NPEPL1: variants seen among roughly 807,000 people sequenced by gnomAD.
NPEPL1 encodes probable aminopeptidase NPEPL1.
In NPEPL1, 45 loss-of-function variants were observed where a neutral mutation model predicts 52.4. The ratio of observed to expected loss-of-function variants is 0.86; its 90% CI spans 0.68 to 1.10. The LOEUF (loss-of-function observed/expected upper bound fraction) is 1.10, where lower values mean the gene tolerates loss of function less well. Ranked by LOEUF, NPEPL1 falls within the 50% of genes least tolerant of loss-of-function variation. The probability of loss-of-function intolerance (pLI) is 0.00; values close to 1 mark genes in which losing one functional copy is unlikely to be tolerated. For synonymous variants in NPEPL1, 360 were observed against 314.7 expected (o/e 1.14, Z -1.52); for missense variants, 696 against 710.9 (o/e 0.98, Z 0.24).
chr20:58,709,176 C>A (rs2084790165), intron 7 of NPEPL1, among the ~76,000 whole-genome samples: 1 of 151,562 alleles, frequency 6.6e-6, no homozygotes, highest in African/African-American at 2.4e-5. Context: ...GACACCCCAC[C>A]CCCACTCTGG....
intron 7 of NPEPL1, chr20:58,711,202 T>C (rs1360215145): frequency 1.3e-5 from 2 of 150,578 alleles, no homozygotes; most frequent in Non-Finnish European, 3.0e-5. Context: ...TCCCCTCCTT[T>C]GTTGGTGGAG....
At chr20:58,696,445 C>T (rs2084493591) in intron 3 of NPEPL1, among the ~76,000 whole-genome samples, 1 of 152,244 alleles carries the variant, frequency 6.6e-6, no homozygotes, top group African/African-American at 2.4e-5. Flanking sequence ...AGGGCAGGGA[C>T]CTGGTCTTGT....
chr20:58,703,497 C>T, intron 6 of NPEPL1: 3 of 985,288 alleles, frequency 3.0e-6, no homozygotes, highest in Non-Finnish European at 3.6e-6. Flanking sequence ...CACGGTCACC[C>T]TGGAAGCCGC....
At chr20:58,695,737 A>G (rs866889487) in intron 3 of NPEPL1, among the ~76,000 whole-genome samples, 1 of 152,156 alleles carries the variant, frequency 6.6e-6, no homozygotes, top group South Asian at 2.1e-4. Context: ...AGCATGAGAT[A>G]GCTCCCCTTT....
upstream of NPEPL1, chr20:58,692,697 T>TCC: frequency 2.0e-6 from 1 of 507,318 alleles, no homozygotes; most frequent in Non-Finnish European, 2.5e-6. This position sits in a 1 kb window ranked among gnomAD's most constrained non-coding sequence, Gnocchi z 5.7. Flanking sequence ...CCCGCACCCT[T>TCC]CCGCCCGGCC....
upstream of NPEPL1, chr20:58,691,341 A>AATGCCTT: frequency 1.9e-6 from 1 of 532,794 alleles, no homozygotes; most frequent in South Asian, 1.9e-5. Flanking sequence ...GTTTCAAAGG[A>AATGCCTT]ATGCCTTTCA....
intron 7 of NPEPL1, chr20:58,711,279 T>G (rs6026467): frequency 6.6e-6 from 1 of 151,664 alleles, no homozygotes; most frequent in African/African-American, 2.4e-5. Flanking sequence ...GGTCATGCTG[T>G]CATTTATTCG....
At position 58,693,874 on chromosome 20, in the gene NPEPL1, G is replaced by T; in HGVS notation, c.288G>T (p.Thr96=). The T allele has an allele frequency of 1.2e-6, 2 of 1,613,046 alleles. No homozygotes were observed. Among genetic ancestry groups the T allele is most frequent in the Non-Finnish European group, 1.7e-6 (2 of 1,179,546 alleles). ...HNSPSAAHFI[T]RLVRTCLPPG... is the part of the protein sequence containing the mutation. Reference sequence around the variant, plus strand: ...GCCCCTCGGCCGCCCACTTCATCACGCGGCTGGTGCGGACCTGCCTGCCGC... The same window carrying T: ...GCCCCTCGGCCGCCCACTTCATCACTCGGCTGGTGCGGACCTGCCTGCCGC... Residue 96 remains threonine (T), a synonymous_variant, in exon 2 of 12, where the codon ACG becomes ACT. Transcript: ENST00000356091.
At chr20:58,701,233 G>C (rs1271695397) in intron 6 of NPEPL1, 75 bp downstream of exon 6, 1 of 672,988 alleles carries the variant, frequency 1.5e-6, no homozygotes, top group Middle Eastern at 5.6e-4. Context: ...CGGCTCTCCC[G>C]GGTGCCCTGG....
intron 3 of NPEPL1, 27 bp from the exon 4 acceptor site, chr20:58,698,657 C>G: frequency 6.3e-7 from 1 of 1,597,054 alleles, no homozygotes; most frequent in African/African-American, 1.3e-5. Context: ...CCCACCTGGT[C>G]CCCAGTGATG....
At position 58,713,694 on chromosome 20, in the gene NPEPL1, C is replaced by A; in HGVS notation, c.1125+151C>A. The A allele has an allele frequency of 8.2e-7, 1 of 1,220,688 alleles. No individual in the cohort carries two copies. Among genetic ancestry groups the A allele is most frequent in the Non-Finnish European group, 1.1e-6 (1 of 906,470 alleles). The allele number at this position is 1,220,688 out of a possible 1,614,324, so 75.6% of individuals were successfully genotyped here. The stretch of plus-strand genomic sequence containing the variant: ...GAGGCAGGAGGAGCTGCCCGTCAAG[C>A]TTGGTGTGGGCAGTACCGAGGCCCA... On this transcript the variant is annotated intron_variant, in intron 9 of 11. Coordinates refer to ENST00000356091, the MANE Select transcript of NPEPL1 (RefSeq NM_024663.4). The surrounding 1 kb of genome is among the most constrained non-coding windows in gnomAD (Gnocchi z 4.6).
upstream of NPEPL1, chr20:58,691,784 A>G (rs1222785918): frequency 1.3e-6 from 2 of 1,545,632 alleles, no homozygotes; most frequent in Non-Finnish European, 1.7e-6. Flanking sequence ...CATGGAGGTA[A>G]CAGAGGAGGG....
chr20:58,691,349 TCAGTCATTCAACAGC>T (rs2084338875), upstream of NPEPL1: 1 of 514,692 alleles, frequency 1.9e-6, no homozygotes, highest in Non-Finnish European at 3.5e-6. Context: ...GGAATGCCTT[TCAGTCATTCAACAGC>T]TTTTTTTTTT....
At chr20:58,708,414 G>A (rs1457143132) in intron 7 of NPEPL1, among the ~76,000 whole-genome samples, 1 of 152,002 alleles carries the variant, frequency 6.6e-6, no homozygotes, top group Non-Finnish European at 1.5e-5. Context: ...GGGCTGGCAG[G>A]CCCTCACCTG....
chr20:58,691,680 C>CT, upstream of NPEPL1: 8 of 753,608 alleles, frequency 1.1e-5, no homozygotes, highest in Admixed American at 1.1e-4. Context: ...GCTTTTTTTT[C>CT]TTTTTTTCTT....
chr20:58,694,333 T>A, intron 2 of NPEPL1, 89 bp from the exon 3 acceptor site: 1 of 1,346,624 alleles, frequency 7.4e-7, no homozygotes, highest in Non-Finnish European at 1.0e-6. Flanking sequence ...GCCAGGGAGC[T>A]GATGTTCCGG....
chr20:58,714,347 C>G (rs935252395), intron 10 of NPEPL1: 1 of 604,328 alleles, frequency 1.7e-6, no homozygotes, highest in Admixed American at 3.2e-5. Flanking sequence ...CCCCATCAGG[C>G]CCTTTGCTGG....
At position 58,694,495 on chromosome 20, in the gene NPEPL1, G is replaced by T. The variant is rs765534854; in HGVS notation, c.410G>T (p.Arg137Leu). The T allele has an allele frequency of 5.0e-6, 8 of 1,613,896 alleles. No homozygotes were observed. The highest frequency in any genetic ancestry group is 6.8e-6 in the Non-Finnish European group (8 of 1,179,898). The stretch of plus-strand genomic sequence containing the variant: ...CGGGCCTTCCCGCTGTTCACCCACC[G>T]CTCAGGTGCCTCTCGGCGCTTGGAG... ...LARAFPLFTH[R>L]SGASRRLEKK... Residue 137 changes from arginine to leucine, a missense_variant, in exon 3 of 12, where the codon CGC (arginine) becomes CTC (leucine). By Grantham distance (102) the Arg-to-Leu change is moderately radical (BLOSUM62 -2). Transcript: ENST00000356091.
chr20:58,692,796 G>A (rs972269323), upstream of NPEPL1: 1 of 972,480 alleles, frequency 1.0e-6, no homozygotes, highest in Non-Finnish European at 1.2e-6. This position sits in a 1 kb window ranked among gnomAD's most constrained non-coding sequence, Gnocchi z 5.7. Context: ...GCGGGCTGCC[G>A]GGCAGGGCCG....
Sources: gnomAD v4.1 joint callset for allele counts (sites outside exome capture counted in the v4.1 genomes callset) on GRCh38, gnomAD v4.1.1 for gene constraint, Gnocchi (gnomAD v3.1) non-coding constraint, MANE v1.5 for transcripts, NCBI Gene and HGNC (gene_info 2026-07-23, HGNC 2026-07-21) for gene names.